FAM184B: variants seen among roughly 807,000 people sequenced by gnomAD.
FAM184B encodes protein FAM184B.
A neutral mutation model predicts 135.9 loss-of-function variants in FAM184B; 111 were observed. The observed-to-expected ratio is 0.82, with a 90% CI of 0.70 to 0.96. The LOEUF is 0.96. FAM184B is among the 40% of genes least tolerant of loss of function. The pLI, the probability that FAM184B is intolerant of heterozygous loss-of-function variation, is 0.00. For missense variants in FAM184B, 1,375 were observed against 1,323.9 expected (o/e 1.04, Z -0.60); for synonymous variants, 552 against 524.8 (o/e 1.05, Z -0.71).
intron 5 of FAM184B, among the ~76,000 whole-genome samples, chr4:17,696,564 C>T (rs1716862526): frequency 6.6e-6 from 1 of 152,204 alleles, no homozygotes. Flanking sequence ...ATAATCCCAA[C>T]ACTTTGGGAG....
rs1221587310 is a variant in FAM184B, at chr4:17,652,867, C to T, written c.2154G>A (p.Glu718=). ...CCTGCTGTGCCTGCATCCTCTCACG[C>T]TCCTCCTGCAGCTCTTGCCTGGCCT... is the stretch of plus-strand genomic sequence containing the variant. ...EEKARQELQE[E]RERMQAQQAL... The change falls in exon 11 of 18, where the codon GAG becomes GAA. Residue 718 remains glutamate, a synonymous_variant. Coordinates refer to ENST00000265018, the MANE Select transcript of FAM184B (RefSeq NM_015688.2). The T allele has an allele frequency of 3.2e-6, 5 of 1,551,710 alleles. No homozygotes were observed. The South Asian group carries it at 3.6e-5, about 11-fold the overall frequency.
intron 10 of FAM184B, among the ~76,000 whole-genome samples, chr4:17,656,764 G>A (rs1444511645): frequency 6.6e-6 from 1 of 152,106 alleles, no homozygotes; most frequent in Non-Finnish European, 1.5e-5. Flanking sequence ...AGTATAAAGA[G>A]CCAAATAGTA....
At chr4:17,763,504 G>T (rs1406185753) in intron 1 of FAM184B, among the ~76,000 whole-genome samples, 1 of 152,110 alleles carries the variant, frequency 6.6e-6, no homozygotes, top group Non-Finnish European at 1.5e-5. Context: ...GCTTCCTTGG[G>T]ACAAATAGGC....
chr4:17,689,304 T>G (rs1716668431), intron 6 of FAM184B, among the ~76,000 whole-genome samples: 1 of 152,162 alleles, frequency 6.6e-6, no homozygotes. Flanking sequence ...AATTGTAATA[T>G]TTGAATTAAA....
chr4:17,738,234 G>A (rs1717952419), intron 1 of FAM184B, among the ~76,000 whole-genome samples: 1 of 151,964 alleles, frequency 6.6e-6, no homozygotes, highest in Non-Finnish European at 1.5e-5. Flanking sequence ...TAGGTCTGAG[G>A]GTTGGAAGGG....
chr4:17,731,624 C>T (rs1717777311), intron 1 of FAM184B, among the ~76,000 whole-genome samples: 1 of 152,158 alleles, frequency 6.6e-6, no homozygotes. Flanking sequence ...ACAAGAAGAG[C>T]TAACTATCCT....
At chr4:17,698,851 C>T (rs6449328) in intron 5 of FAM184B, among the ~76,000 whole-genome samples, 93,003 of 151,960 alleles carry the variant, frequency 0.61, 29,031 homozygotes, top group East Asian at 0.93. Context: ...AAGAGGACAA[C>T]AAAAACTAGA....
intron 1 of FAM184B, among the ~76,000 whole-genome samples, chr4:17,747,920 C>CAAAAAAAA (rs71167333): frequency 9.2e-5 from 2 of 21,704 alleles, no homozygotes; most frequent in African/African-American, 3.9e-4. Context: ...GACTCTGTCT[C>CAAAAAAAA]AAAAAAAAAA....
At chr4:17,645,245 C>G (rs1715434631) in intron 12 of FAM184B, among the ~76,000 whole-genome samples, 1 of 152,076 alleles carries the variant, frequency 6.6e-6, no homozygotes, top group African/African-American at 2.4e-5. Flanking sequence ...TCATATGGAT[C>G]CAAAAAAGAG....
Position 17,629,704 on chromosome 4 carries a change from A to T in FAM184B, c.*2828T>A, listed in dbSNP as rs1463678821. 6.6e-6 allele frequency: 1 copy of T among 152,120 alleles called. No individual in the cohort carries two copies. Among genetic ancestry groups the T allele is most frequent in the Non-Finnish European group, 1.5e-5 (1 of 68,020 alleles). 9.4% of individuals were successfully genotyped at this position (152,120 alleles called of 1,614,324 possible). A position where few individuals can be genotyped will look rare whatever the true frequency, so the allele number is the denominator to read the frequency against. Reference sequence around the variant, plus strand: ...TCTCTTCATCTTCACTGTCACCTCTACGCCATCACTGTCATCTCTAGACCG... The same window carrying T: ...TCTCTTCATCTTCACTGTCACCTCTTCGCCATCACTGTCATCTCTAGACCG... On this transcript the variant is annotated 3_prime_UTR_variant, in exon 18 of 18. Coordinates refer to ENST00000265018, the MANE Select transcript of FAM184B (RefSeq NM_015688.2).
At chr4:17,697,688 CACTA>C in intron 5 of FAM184B, among the ~76,000 whole-genome samples, 1 of 152,298 alleles carries the variant, frequency 6.6e-6, no homozygotes, top group East Asian at 1.9e-4. Flanking sequence ...AGAAGACACT[CACTA>C]ACATTGCCAA....
At position 17,693,353 on chromosome 4, in the gene FAM184B, C is replaced by A; in HGVS notation, c.1437G>T (p.Leu479=). The part of the protein sequence containing the change: ...RKKSEKEIKQ[L]EEEKAALNVK... Reference sequence around the variant, plus strand: ...CATTGAGGGCTGCTTTCTCTTCTTCCAGCTGCTTTATCTCCTTTTCTGATT... The same window carrying A: ...CATTGAGGGCTGCTTTCTCTTCTTCAAGCTGCTTTATCTCCTTTTCTGATT... The change falls in exon 6 of 18, where the codon CTG becomes CTT. Residue 479 remains leucine, a synonymous_variant. Transcript: ENST00000265018. 1 of 1,551,676 alleles carries A rather than the reference C, an allele frequency of 6.4e-7. No individual in the cohort carries two copies. Among genetic ancestry groups the A allele is most frequent in the Non-Finnish European group, 8.7e-7 (1 of 1,146,992 alleles).
Position 17,709,278 on chromosome 4 carries a change from CCTCGTGGCT to C in FAM184B, c.499_507del (p.Ser167_Glu169del). ...TGGGGCAGCCGGCCCTGCGGGGTAG[CCTCGTGGCT>C]CGTCAGGTGCTGGAGCCTCCTCTCG... On this transcript the variant is annotated inframe_deletion, in exon 2 of 18. Transcript: ENST00000265018. The C allele has an allele frequency of 6.5e-7, 1 of 1,548,046 alleles. No homozygotes were observed. The highest frequency in any genetic ancestry group is 8.7e-7 in the Non-Finnish European group (1 of 1,145,248).
At chr4:17,685,558 CAA>C (rs11350244) in intron 7 of FAM184B, among the ~76,000 whole-genome samples, 69 of 86,738 alleles carry the variant, frequency 8.0e-4, no homozygotes, top group Middle Eastern at 0.012. Context: ...GACTCTGTCT[CAA>C]AAAAAAAAAA....
At chr4:17,769,413 G>C (rs1194404448) in intron 1 of FAM184B, among the ~76,000 whole-genome samples, 1 of 152,050 alleles carries the variant, frequency 6.6e-6, no homozygotes, top group Non-Finnish European at 1.5e-5. Flanking sequence ...AAATGGGTGT[G>C]TTTTCTGTCT....
intron 7 of FAM184B, among the ~76,000 whole-genome samples, chr4:17,683,616 GA>G (rs1334153266): frequency 1.3e-5 from 2 of 152,068 alleles, no homozygotes; most frequent in Non-Finnish European, 2.9e-5. Flanking sequence ...CTATAATAGA[GA>G]AATATTAAAA....
At chr4:17,651,537 C>CAAAAAAAAAAAAAAAAAAAAAA in intron 11 of FAM184B, among the ~76,000 whole-genome samples, 1 of 43,110 alleles carries the variant, frequency 2.3e-5, no homozygotes, top group Non-Finnish European at 3.8e-5. Context: ...GACTCTGTCT[C>CAAAAAAAAAAAAAAAAAAAAAA]AAAAAAAAAA....
chr4:17,755,406 C>G (rs1718395376), intron 1 of FAM184B, among the ~76,000 whole-genome samples: 1 of 152,100 alleles, frequency 6.6e-6, no homozygotes, highest in Non-Finnish European at 1.5e-5. Flanking sequence ...AAGTCAGAAA[C>G]AACAGATGCT....
In FAM184B at chr4:17,707,729, G is replaced by A. The variant is rs374665886; in HGVS notation, c.950C>T (p.Thr317Ile). ...ARQENSELKG[T>I]AKKLGEKLAV... The stretch of plus-strand genomic sequence containing the variant: ...CAGCTTCTCCCCAAGTTTTTTTGCA[G>A]TGCCTTTCAACTCTGAATTCTCCTG... The change falls in exon 3 of 18, where the codon ACT (threonine) becomes ATT (isoleucine). Residue 317 changes from threonine to isoleucine, a missense_variant. Physicochemically the swap from Thr to Ile is moderately conservative, Grantham distance 89 (BLOSUM62 -1). Transcript: ENST00000265018. 3 of 1,551,760 alleles carry A rather than the reference G, an allele frequency of 1.9e-6. No homozygotes were observed. The highest frequency in any genetic ancestry group is 2.6e-6 in the Non-Finnish European group (3 of 1,147,026).
Sources: gnomAD v4.1 joint callset for allele counts (sites outside exome capture counted in the v4.1 genomes callset) on GRCh38, gnomAD v4.1.1 for gene constraint, MANE v1.5 for transcripts, NCBI Gene and HGNC (gene_info 2026-07-23, HGNC 2026-07-21) for gene names.